Variants in RTL6 observed in about 807,000 individuals in gnomAD.
RTL6 encodes the protein retrotransposon Gag like 6, also known as retrotransposon Gag-like protein 6.
Under a neutral mutation model 12.4 loss-of-function variants are expected in RTL6, and 9 were observed. That is an observed-to-expected ratio of 0.73 (90% confidence interval 0.44 to 1.27). The LOEUF (loss-of-function observed/expected upper bound fraction) is 1.27, where lower values mean the gene tolerates loss of function less well. RTL6 is among the 50% of genes most tolerant of loss of function. RTL6 has a pLI of 0.00. For synonymous variants in RTL6, 160 were observed against 142.8 expected, an observed-to-expected ratio of 1.12 and a Z score of -0.86; for missense variants, 291 against 330.7, an observed-to-expected ratio of 0.88 and a Z score of 0.93.
chr22:44,497,623 G>GTAGACCAGGTGC lies in RTL6; in HGVS notation c.-68_-67insGCACCTGGTCTA, dbSNP rs1601870916. 7.1e-6 allele frequency: 11 copies of GTAGACCAGGTGC among 1,551,842 alleles called. No homozygotes were observed. The East Asian group carries it at 2.5e-4, about 36-fold the overall frequency. On this transcript the variant is annotated 5_prime_UTR_variant, in exon 2 of 2. Coordinates refer to ENST00000341255, the MANE Select transcript of RTL6 (RefSeq NM_032287.3). ...CCAAGAGGGTGTGGTGACCAGGTGG[G>GTAGACCAGGTGC]CCCCTGTAGAAATGGGGGCAGTGTG...
rs888391519 is a variant in RTL6, at chr22:44,498,033, G to A, written c.-256+11C>T. On this transcript the variant is annotated intron_variant, in intron 1 of 1. Coordinates refer to ENST00000341255, the MANE Select transcript of RTL6 (RefSeq NM_032287.3). ...GGGCCCGGCCGGGCAGGGGGCCGGG[G>A]GCACGCGTACCTGGGGTCTCGCGGT... 2 of 151,450 alleles carry A rather than the reference G, an allele frequency of 1.3e-5. No individual in the cohort carries two copies. The highest frequency in any genetic ancestry group is 1.9e-4 in the East Asian group (1 of 5,134). 9.4% of individuals were successfully genotyped at this position (151,450 alleles called of 1,614,324 possible). A position where few individuals can be genotyped will look rare whatever the true frequency, so the allele number is the denominator to read the frequency against.
In RTL6 at chr22:44,497,482, A is replaced by G; in HGVS notation, c.75T>C (p.Val25=). The change falls in exon 2 of 2, where the codon GTT becomes GTC. Residue 25 remains valine (V), a synonymous_variant. Coordinates refer to ENST00000341255, the MANE Select transcript of RTL6 (RefSeq NM_032287.3). ...AASPNAQMDD[V]IDTLTSLRLT... is the part of the protein sequence containing the mutation. ...GGCGCAGGGAGGTCAGGGTGTCAAT[A>G]ACGTCATCCATCTGGGCATTCGGAG... 6.2e-7 allele frequency: 1 copy of G among 1,614,156 alleles called. No individual in the cohort carries two copies.
Position 44,496,829 on chromosome 22 carries a change from G to T in RTL6, c.*8C>A. 5 of 1,542,826 alleles carry T rather than the reference G, an allele frequency of 3.2e-6. No individual in the cohort carries two copies. Among genetic ancestry groups the T allele is most frequent in the Non-Finnish European group, 4.4e-6 (5 of 1,144,616 alleles). ...TGGCTGCAGACGCTACCAAGTGCTG[G>T]CGGATTCTTAAAGATTCCGTGCTCG... On this transcript the variant is annotated 3_prime_UTR_variant, in exon 2 of 2. Coordinates refer to ENST00000341255, the MANE Select transcript of RTL6 (RefSeq NM_032287.3).
rs1256569651 is a variant in RTL6 at position 44,497,144 on chromosome 22, G to A, written c.413C>T (p.Ala138Val). The change falls in exon 2 of 2, where the codon GCC becomes GTC. Residue 138 changes from alanine (A) to valine (V), a missense_variant. Transcript: ENST00000341255. ...CCCAGTCAGTCGAGACACAAGGAAG[G>A]CCACACGCTCGGCCTCACCCGGGAA... is the stretch of plus-strand genomic sequence containing the variant. ...SRFPGEAERV[A>V]FLVSRLTGEA... 2.5e-6 allele frequency: 4 copies of A among 1,614,018 alleles called. No homozygotes were observed. Among genetic ancestry groups the A allele is most frequent in the South Asian group, 1.1e-5 (1 of 91,088 alleles).
In RTL6 at chr22:44,496,786, G is replaced by C; in HGVS notation, c.*51C>G. ...ATGGGCATTTCTTCTACACAGCAAA[G>C]AGCGTATGCTACCTGGGTGGCTGCA... On this transcript the variant is annotated 3_prime_UTR_variant, in exon 2 of 2. Transcript: ENST00000341255. 6.6e-7 allele frequency: 1 copy of C among 1,518,100 alleles called. No homozygotes were observed. Among genetic ancestry groups the C allele is most frequent in the Non-Finnish European group, 8.8e-7 (1 of 1,135,420 alleles). 94.0% of individuals were successfully genotyped at this position (1,518,100 alleles called of 1,614,324 possible).
chr22:44,496,944 G>A lies in RTL6; in HGVS notation c.613C>T (p.Leu205Phe), dbSNP rs142393669. 2.5e-6 allele frequency: 4 copies of A among 1,613,536 alleles called. No individual in the cohort carries two copies. The highest frequency in any genetic ancestry group is 1.3e-5 in the African/African-American group (1 of 74,950). The change falls in exon 2 of 2, where the codon CTC becomes TTC. Residue 205 changes from leucine to phenylalanine, a missense_variant. This residue lies in a region of RTL6 where 132 missense variants were observed against 163.9 expected (regional missense o/e 0.81). Coordinates refer to ENST00000341255, the MANE Select transcript of RTL6 (RefSeq NM_032287.3). ...CCCGCAGAGGCCAGCTGGCGGCAGA[G>A]CATCTGCCTCTCTCGCACAGCCCTA... ...SNRAVRERQM[L>F]CRQLASAGTG...
Position 44,496,502 on chromosome 22 carries a change from G to A in RTL6, c.*335C>T, listed in dbSNP as rs1159568740. The A allele has an allele frequency of 1.8e-5, 5 of 285,606 alleles. No individual in the cohort carries two copies. The highest frequency in any genetic ancestry group is 1.3e-5 in the Non-Finnish European group (2 of 153,018). The allele number at this position is 285,606 out of a possible 1,614,324, so 17.7% of individuals were successfully genotyped here. ...CTCCATGAACCAAGTCAGGCTGGAAGGGGTCAGCCCTCGTGGTCCGTCAGC... is the reference window on the plus strand; with the variant it reads ...CTCCATGAACCAAGTCAGGCTGGAAAGGGTCAGCCCTCGTGGTCCGTCAGC... On this transcript the variant is annotated 3_prime_UTR_variant, in exon 2 of 2. Coordinates refer to ENST00000341255, the MANE Select transcript of RTL6 (RefSeq NM_032287.3).
Position 44,496,818 on chromosome 22 carries a change from A to G in RTL6, c.*19T>C. 1 of 1,536,716 alleles carries G rather than the reference A, an allele frequency of 6.5e-7. No individual in the cohort carries two copies. Among genetic ancestry groups the G allele is most frequent in the South Asian group, 1.3e-5 (1 of 78,470 alleles). On this transcript the variant is annotated 3_prime_UTR_variant, in exon 2 of 2. Transcript: ENST00000341255. ...TGCTACCTGGGTGGCTGCAGACGCTACCAAGTGCTGGCGGATTCTTAAAGA... is the reference window on the plus strand; with the variant it reads ...TGCTACCTGGGTGGCTGCAGACGCTGCCAAGTGCTGGCGGATTCTTAAAGA...
rs563029060 is a variant in RTL6 at position 44,496,753 on chromosome 22, G to A, written c.*84C>T. 1.6e-5 allele frequency: 24 copies of A among 1,470,198 alleles called. No homozygotes were observed. The African/African-American group carries it at 3.1e-4, about 19-fold the overall frequency. The allele number at this position is 1,470,198 out of a possible 1,614,324, so 91.1% of individuals were successfully genotyped here. On this transcript the variant is annotated 3_prime_UTR_variant, in exon 2 of 2. Transcript: ENST00000341255. The stretch of plus-strand genomic sequence containing the variant: ...AGGGAGGTCTTCAAACAGGGGCAAA[G>A]CTGTCGTATGGGCATTTCTTCTACA...
At position 44,495,649 on chromosome 22, in the gene RTL6, C is replaced by G. The variant is rs2147402689; in HGVS notation, c.*1188G>C. ...TGCCACCAAGACCCTGGCTGGGTTG[C>G]CAGAGGCAGACACCCCCCCCGGCCT... On this transcript the variant is annotated 3_prime_UTR_variant, in exon 2 of 2. Transcript: ENST00000341255. The G allele has an allele frequency of 7.2e-6, 1 of 139,040 alleles. No individual in the cohort carries two copies. The highest frequency in any genetic ancestry group is 2.1e-4 in the East Asian group (1 of 4,848). The allele number at this position is 139,040 out of a possible 1,614,324, so 8.6% of individuals were successfully genotyped here. A position where few individuals can be genotyped will look rare whatever the true frequency, so the allele number is the denominator to read the frequency against.
At position 44,493,925 on chromosome 22, in the gene RTL6, T is replaced by TTA. The variant is rs1924371695; in HGVS notation, c.*2911_*2912insTA. The stretch of plus-strand genomic sequence containing the variant: ...GCACTTTCTGGGTTTTGTTTTCCAC[T>TTA]CCTCCTCATTGCTCATCACATACTT... On this transcript the variant is annotated 3_prime_UTR_variant, in exon 2 of 2. Transcript: ENST00000341255. The TTA allele has an allele frequency of 6.6e-6, 1 of 152,126 alleles. No homozygotes were observed. Among genetic ancestry groups the TTA allele is most frequent in the Non-Finnish European group, 1.5e-5 (1 of 68,034 alleles). The allele number at this position is 152,126 out of a possible 1,614,324, so 9.4% of individuals were successfully genotyped here.
Position 44,494,663 on chromosome 22 carries a change from T to C in RTL6, c.*2174A>G, listed in dbSNP as rs1924392863. 2.8e-5 allele frequency: 1 copy of C among 36,138 alleles called. No homozygotes were observed. Among genetic ancestry groups the C allele is most frequent in the Non-Finnish European group, 6.3e-5 (1 of 15,854 alleles). The allele number at this position is 36,138 out of a possible 1,614,324, so 2.2% of individuals were successfully genotyped here. A position where few individuals can be genotyped will look rare whatever the true frequency, so the allele number is the denominator to read the frequency against. Reference sequence around the variant, plus strand: ...CCCGGCTGCAGTTGTGGACAGGGAGTGTGTGGACAGGGAGTGTGTGGACAG... The same window carrying C: ...CCCGGCTGCAGTTGTGGACAGGGAGCGTGTGGACAGGGAGTGTGTGGACAG... On this transcript the variant is annotated 3_prime_UTR_variant, in exon 2 of 2. Transcript: ENST00000341255.
Position 44,493,601 on chromosome 22 carries a change from G to A in RTL6, c.*3236C>T, listed in dbSNP as rs1924362912. ...ACCCACCTTGTGCCTACCTCTCTAAGTCCCTAAACCAGTGCTTTCCAAGCA... is the reference window on the plus strand; with the variant it reads ...ACCCACCTTGTGCCTACCTCTCTAAATCCCTAAACCAGTGCTTTCCAAGCA... On this transcript the variant is annotated 3_prime_UTR_variant, in exon 2 of 2. Coordinates refer to ENST00000341255, the MANE Select transcript of RTL6 (RefSeq NM_032287.3). The A allele has an allele frequency of 6.6e-6, 1 of 152,228 alleles. No homozygotes were observed. The highest frequency in any genetic ancestry group is 1.5e-5 in the Non-Finnish European group (1 of 68,108). 9.4% of individuals were successfully genotyped at this position (152,228 alleles called of 1,614,324 possible). A position where few individuals can be genotyped will look rare whatever the true frequency, so the allele number is the denominator to read the frequency against.
Position 44,493,794 on chromosome 22 carries a change from G to C in RTL6, c.*3043C>G, listed in dbSNP as rs1924367767. The C allele has an allele frequency of 6.6e-6, 1 of 152,258 alleles. No homozygotes were observed. The highest frequency in any genetic ancestry group is 1.5e-5 in the Non-Finnish European group (1 of 68,120). 9.4% of individuals were successfully genotyped at this position (152,258 alleles called of 1,614,324 possible). A position where few individuals can be genotyped will look rare whatever the true frequency, so the allele number is the denominator to read the frequency against. On this transcript the variant is annotated 3_prime_UTR_variant, in exon 2 of 2. Coordinates refer to ENST00000341255, the MANE Select transcript of RTL6 (RefSeq NM_032287.3). ...TCAACCTCAGCACATGCCCAGCTCA[G>C]CCATGTCCCTTCACTCCCCTACAGG...
intron 1 of RTL6, 37 bp from the exon 2 acceptor site, chr22:44,497,848 T>G: frequency 2.8e-6 from 1 of 360,786 alleles, no homozygotes; most frequent in East Asian, 5.5e-5. Flanking sequence ...AAGGTTTCAG[T>G]TGCGACTAGC....
At position 44,497,161 on chromosome 22, in the gene RTL6, A is replaced by G. The variant is rs1487774766; in HGVS notation, c.396T>C (p.Gly132=). Residue 132 remains glycine (G), a synonymous_variant, in exon 2 of 2, where the codon GGT becomes GGC. Coordinates refer to ENST00000341255, the MANE Select transcript of RTL6 (RefSeq NM_032287.3). ...CAAGGAAGGCCACACGCTCGGCCTC[A>G]CCCGGGAAGCGGGAGGCCTGGAAGA... ...FMIFQASRFP[G]EAERVAFLVS... The G allele has an allele frequency of 6.2e-7, 1 of 1,613,798 alleles. No homozygotes were observed. Among genetic ancestry groups the G allele is most frequent in the Middle Eastern group, 1.7e-4 (1 of 6,060 alleles).
Position 44,495,031 on chromosome 22 carries a change from T to A in RTL6, c.*1806A>T, listed in dbSNP as rs1924407364. ...TTCATGGAATGGTGGCCCTGCTGTG[T>A]GTCTTCCCTCCGATCACGCTTAAAG... On this transcript the variant is annotated 3_prime_UTR_variant, in exon 2 of 2. Coordinates refer to ENST00000341255, the MANE Select transcript of RTL6 (RefSeq NM_032287.3). 2 of 152,758 alleles carry A rather than the reference T, an allele frequency of 1.3e-5. No individual in the cohort carries two copies. Among genetic ancestry groups the A allele is most frequent in the South Asian group, 4.1e-4 (2 of 4,838 alleles). The allele number at this position is 152,758 out of a possible 1,614,324, so 9.5% of individuals were successfully genotyped here. A position where few individuals can be genotyped will look rare whatever the true frequency, so the allele number is the denominator to read the frequency against.
Position 44,495,358 on chromosome 22 carries a change from A to G in RTL6, c.*1479T>C, listed in dbSNP as rs1037139574. 1 of 152,672 alleles carries G rather than the reference A, an allele frequency of 6.5e-6. No individual in the cohort carries two copies. The highest frequency in any genetic ancestry group is 2.4e-5 in the African/African-American group (1 of 41,454). 9.5% of individuals were successfully genotyped at this position (152,672 alleles called of 1,614,324 possible). A position where few individuals can be genotyped will look rare whatever the true frequency, so the allele number is the denominator to read the frequency against. The stretch of plus-strand genomic sequence containing the variant: ...TGGGTGCGGAGGTTGTCCTTCTGCA[A>G]TCAAGCCAAGACCCTTCAGACAGGG... On this transcript the variant is annotated 3_prime_UTR_variant, in exon 2 of 2. Transcript: ENST00000341255.
Position 44,492,855 on chromosome 22 carries a change from G to T in RTL6, c.*3982C>A, listed in dbSNP as rs1194983140. 1 of 152,166 alleles carries T rather than the reference G, an allele frequency of 6.6e-6. No individual in the cohort carries two copies. The highest frequency in any genetic ancestry group is 1.5e-5 in the Non-Finnish European group (1 of 68,030). 9.4% of individuals were successfully genotyped at this position (152,166 alleles called of 1,614,324 possible). A position where few individuals can be genotyped will look rare whatever the true frequency, so the allele number is the denominator to read the frequency against. On this transcript the variant is annotated 3_prime_UTR_variant, in exon 2 of 2. Transcript: ENST00000341255. ...ATCCTTGCTGGTGGCAGTGTAAGGG[G>T]ATACAAATATTTCCGGAAACCATTT...
Sources: allele counts gnomAD v4.1 joint callset, GRCh38; gene constraint gnomAD v4.1.1; regional missense constraint gnomAD v4.1.1; transcripts MANE v1.5; gene names NCBI Gene and HGNC (gene_info 2026-07-23, HGNC 2026-07-21).